The following SLC24A3 variants were observed in gnomAD, a reference collection of about 807,000 sequenced individuals.
SLC24A3 encodes the protein sodium/potassium/calcium exchanger 3.
SLC24A3 carries 28 observed loss-of-function variants against 75.8 expected under a neutral mutation model. The observed-to-expected ratio is 0.37, with a 90% CI of 0.27 to 0.51. The LOEUF is 0.51. Among genes scored for constraint, SLC24A3 ranks in the 20% least tolerant of loss-of-function variants. The pLI is 0.94. For missense variants in SLC24A3, 663 were observed against 847.8 expected (o/e 0.78, Z 2.71); for synonymous variants, 372 against 334.1 (o/e 1.11, Z -1.24).
chr20:19,282,861 C>T (rs768742496), intron 2 of SLC24A3, among the ~76,000 whole-genome samples: 3 of 151,986 alleles, frequency 2.0e-5, no homozygotes, highest in Non-Finnish European at 2.9e-5. Context: ...TGGGAAATAC[C>T]GTTCTCAGAG....
chr20:19,592,922 A>T (rs2031400127), intron 6 of SLC24A3, among the ~76,000 whole-genome samples: 1 of 151,346 alleles, frequency 6.6e-6, no homozygotes, highest in Non-Finnish European at 1.5e-5. Flanking sequence ...CAGCCTCCCG[A>T]GTAGCTGAGA....
chr20:19,401,531 A>G (rs1364584440), intron 2 of SLC24A3, among the ~76,000 whole-genome samples: 1 of 115,162 alleles, frequency 8.7e-6, no homozygotes, highest in Non-Finnish European at 1.9e-5. Context: ...GGCTGATGAG[A>G]ATACTGAACA....
intron 7 of SLC24A3, among the ~76,000 whole-genome samples, chr20:19,660,133 C>A (rs539128379): frequency 6.6e-6 from 1 of 152,096 alleles, no homozygotes; most frequent in East Asian, 1.9e-4. Context: ...ACTTGGGGTT[C>A]TTATTTTTTT....
chr20:19,584,012 T>G (rs2031259180), intron 4 of SLC24A3, among the ~76,000 whole-genome samples: 1 of 152,212 alleles, frequency 6.6e-6, no homozygotes, highest in Non-Finnish European at 1.5e-5. Context: ...AGCAAGGAAG[T>G]GCAGCTGTAG....
intron 2 of SLC24A3, among the ~76,000 whole-genome samples, chr20:19,292,439 G>A (rs2122236816): frequency 6.6e-6 from 1 of 152,328 alleles, no homozygotes; most frequent in South Asian, 2.1e-4. Flanking sequence ...AGTAAAAATA[G>A]TCTTAGTTGT....
At chr20:19,221,213 A>C (rs768265775) in intron 1 of SLC24A3, among the ~76,000 whole-genome samples, 16 of 152,074 alleles carry the variant, frequency 1.1e-4, no homozygotes, top group Non-Finnish European at 2.1e-4. Flanking sequence ...GCGAGCCCTC[A>C]CACCTGGCTC....
chr20:19,357,538 A>G (rs910251), intron 2 of SLC24A3, among the ~76,000 whole-genome samples: 17,269 of 151,984 alleles, frequency 0.11, 2,616 homozygotes, highest in African/African-American at 0.35. Flanking sequence ...TCTTGTTACT[A>G]TGTTTTGTCC....
chr20:19,213,032 T>A, intron 1 of SLC24A3, 48 bp downstream of exon 1: 1 of 1,192,194 alleles, frequency 8.4e-7, no homozygotes. Flanking sequence ...CTCCGGCGGC[T>A]CGGGGCTCCC....
intron 2 of SLC24A3, among the ~76,000 whole-genome samples, chr20:19,287,329 G>A (rs537879082): frequency 3.5e-4 from 54 of 152,316 alleles, no homozygotes; most frequent in African/African-American, 1.2e-3. Flanking sequence ...GATGCTCACC[G>A]ATGCTCACAT....
At chr20:19,437,792 C>T (rs1027678248) in intron 2 of SLC24A3, among the ~76,000 whole-genome samples, 3 of 152,164 alleles carry the variant, frequency 2.0e-5, no homozygotes, top group South Asian at 2.1e-4. Context: ...TCCTCAAGTG[C>T]GTTCTGATCC....
In SLC24A3 at chr20:19,588,314, A is replaced by T. The variant is rs78095322; in HGVS notation, c.612+2770A>T. Among the ~76,000 whole-genome samples, 592 of 152,288 alleles carry T rather than the reference A, an allele frequency of 3.9e-3. 5 individuals carry two copies. The highest frequency in any genetic ancestry group is 0.013 in the African/African-American group (557 of 41,548). ...TAGCATTTTATTTATGTTGATCTGC[A>T]CTTTCATTTGGCTGGGAGAATTACC... On this transcript the variant is annotated intron_variant, in intron 6 of 16. Transcript: ENST00000328041.
chr20:19,558,890 T>A (rs2030830870), intron 3 of SLC24A3, among the ~76,000 whole-genome samples: 2 of 152,226 alleles, frequency 1.3e-5, no homozygotes, highest in Admixed American at 1.3e-4. Flanking sequence ...CACTAATTGA[T>A]AAACATCTGG....
At chr20:19,508,090 G>T (rs1988485978) in intron 2 of SLC24A3, among the ~76,000 whole-genome samples, 1 of 152,200 alleles carries the variant, frequency 6.6e-6, no homozygotes, top group African/African-American at 2.4e-5. Flanking sequence ...CAGAAAGAGA[G>T]GCAGGGAAGG....
At chr20:19,570,511 T>G (rs991490622) in intron 3 of SLC24A3, among the ~76,000 whole-genome samples, 3 of 152,216 alleles carry the variant, frequency 2.0e-5, no homozygotes, top group African/African-American at 7.2e-5. Flanking sequence ...CCCAGATTGC[T>G]AAATAGATCT....
chr20:19,699,129 C>T (rs1411767138), intron 15 of SLC24A3, among the ~76,000 whole-genome samples: 1 of 152,222 alleles, frequency 6.6e-6, no homozygotes, highest in Non-Finnish European at 1.5e-5. Flanking sequence ...ATGTAAAAAC[C>T]ATTCTTCACT....
At chr20:19,623,181 G>A (rs2031826437) in intron 6 of SLC24A3, among the ~76,000 whole-genome samples, 1 of 152,194 alleles carries the variant, frequency 6.6e-6, no homozygotes, top group Non-Finnish European at 1.5e-5. Flanking sequence ...ACAGTGACTT[G>A]AATTCAGAGT....
chr20:19,549,433 A>G (rs546741527), intron 3 of SLC24A3, among the ~76,000 whole-genome samples: 63 of 152,340 alleles, frequency 4.1e-4, no homozygotes, highest in Non-Finnish European at 7.8e-4. Context: ...TTAAATGTCA[A>G]CATATGTATT....
chr20:19,249,012 C>T (rs1292491199), intron 1 of SLC24A3, among the ~76,000 whole-genome samples: 2 of 150,758 alleles, frequency 1.3e-5, no homozygotes, highest in Non-Finnish European at 3.0e-5. Context: ...GATGTTGGTC[C>T]AAGGATATGA....
chr20:19,325,795 TAGAGAG>T (rs745745496), intron 2 of SLC24A3, among the ~76,000 whole-genome samples: 940 of 67,578 alleles, frequency 0.014, 13 homozygotes, highest in East Asian at 0.047. Context: ...TATATATATA[TAGAGAG>T]AGAGAGAGAG....
Sources: allele counts gnomAD v4.1 joint callset (sites outside exome capture counted in the v4.1 genomes callset), GRCh38; gene constraint gnomAD v4.1.1; transcripts MANE v1.5; gene names NCBI Gene and HGNC (gene_info 2026-07-23, HGNC 2026-07-21).